PC: variants seen among roughly 807,000 people sequenced by gnomAD.
The protein encoded by PC is pyruvate carboxylase, mitochondrial.
In PC, 46 loss-of-function variants were observed where a neutral mutation model predicts 107.8. The observed-to-expected ratio is 0.43, with a 90% confidence interval of 0.34 to 0.55. The LOEUF is 0.55. Among genes scored for constraint, PC ranks in the 20% least tolerant of loss-of-function variants. PC has a pLI of 0.04. For synonymous variants in PC, 662 were observed against 684.7 expected (o/e 0.97, Z 0.52); for missense variants, 1,241 against 1,643.1 (o/e 0.76, Z 4.23).
In PC at chr11:66,848,520, T is replaced by C. The variant is rs775369394; in HGVS notation, c.*379A>G. 8.5e-6 allele frequency: 5 copies of C among 588,800 alleles called. No individual in the cohort carries two copies. The highest frequency in any genetic ancestry group is 1.5e-5 in the Non-Finnish European group (5 of 331,912). The allele number at this position is 588,800 out of a possible 1,614,324, so 36.5% of individuals were successfully genotyped here. A position where few individuals can be genotyped will look rare whatever the true frequency, so the allele number is the denominator to read the frequency against. On this transcript the variant is annotated 3_prime_UTR_variant, in exon 23 of 23. Transcript: ENST00000393960. ...GCTGGGGGCTGCACAGGATCCAGCA[T>C]GGAGGGCAGGGGAAAGCCAGCTTTA...
intron 12 of PC, chr11:66,860,106 C>G: frequency 6.4e-7 from 1 of 1,551,524 alleles, no homozygotes; most frequent in Non-Finnish European, 8.7e-7. Context: ...TTGGGCCCGA[C>G]GGAGCCACTC....
chr11:66,889,527 C>T (rs1014376586), intron 3 of PC, among the ~76,000 whole-genome samples: 7 of 152,140 alleles, frequency 4.6e-5, no homozygotes, highest in East Asian at 1.9e-4. Flanking sequence ...CCCGCCACCA[C>T]GCCCAGCTAA....
intron 3 of PC, among the ~76,000 whole-genome samples, chr11:66,918,311 G>C (rs1191425042): frequency 6.8e-6 from 1 of 148,024 alleles, no homozygotes; most frequent in Admixed American, 6.7e-5. Flanking sequence ...GAGGCAGGAG[G>C]ATTGCTTGAG....
chr11:66,955,508 AAGAC>A (rs949871306), intron 1 of PC, among the ~76,000 whole-genome samples: 1 of 152,236 alleles, frequency 6.6e-6, no homozygotes, highest in African/African-American at 2.4e-5. Context: ...CTTCAGTAGA[AAGAC>A]AGAAGGCGTT....
At position 66,870,624 on chromosome 11, in the gene PC, C is replaced by T. The variant is rs893597328; in HGVS notation, c.751+151G>A. The T allele has an allele frequency of 2.2e-5, 24 of 1,102,344 alleles. No individual in the cohort carries two copies. Among genetic ancestry groups the T allele is most frequent in the Non-Finnish European group, 3.0e-5 (22 of 733,656 alleles). 68.3% of individuals were successfully genotyped at this position (1,102,344 alleles called of 1,614,324 possible). A position where few individuals can be genotyped will look rare whatever the true frequency, so the allele number is the denominator to read the frequency against. On this transcript the variant is annotated intron_variant, in intron 8 of 22. Coordinates refer to ENST00000393960, the MANE Select transcript of PC (RefSeq NM_001040716.2). This position sits in a 1 kb window ranked among gnomAD's most constrained non-coding sequence, Gnocchi z 6.1. ...AGGCTGTGAGGACCAACTGCCAGCT[C>T]GGCCCCTAGAGCCCACTTTCCAGAG...
Position 66,870,723 on chromosome 11 carries a change from C to CCAGCCA in PC, c.751+51_751+52insTGGCTG. On this transcript the variant is annotated intron_variant, in intron 8 of 22. Coordinates refer to ENST00000393960, the MANE Select transcript of PC (RefSeq NM_001040716.2). The surrounding 1 kb of genome is among the most constrained non-coding windows in gnomAD (Gnocchi z 6.1). ...CCACTGTGACGGCACCAGGACTGGGCCTCTCAGCTCCCGCCTCCAGCTGCC... is the reference window on the plus strand; with the variant it reads ...CCACTGTGACGGCACCAGGACTGGGCCAGCCACTCTCAGCTCCCGCCTCCAGCTGCC... 6.6e-7 allele frequency: 1 copy of CCAGCCA among 1,515,220 alleles called. No homozygotes were observed. Among genetic ancestry groups the CCAGCCA allele is most frequent in the Non-Finnish European group, 9.1e-7 (1 of 1,098,020 alleles). The allele number at this position is 1,515,220 out of a possible 1,614,324, so 93.9% of individuals were successfully genotyped here. A position where few individuals can be genotyped will look rare whatever the true frequency, so the allele number is the denominator to read the frequency against.
chr11:66,913,108 A>G (rs1289605705), intron 3 of PC, among the ~76,000 whole-genome samples: 2 of 152,138 alleles, frequency 1.3e-5, no homozygotes, highest in East Asian at 3.9e-4. Flanking sequence ...TTAGAACGGC[A>G]GCAGCAGTAG....
intron 3 of PC, among the ~76,000 whole-genome samples, chr11:66,909,589 G>A (rs1948277091): frequency 6.6e-6 from 1 of 152,198 alleles, no homozygotes; most frequent in Non-Finnish European, 1.5e-5. Flanking sequence ...GCCTGCCTGA[G>A]TCTCCATCAG....
At chr11:66,869,618 G>A (rs1946642504) in intron 9 of PC, among the ~76,000 whole-genome samples, 2 of 152,336 alleles carry the variant, frequency 1.3e-5, no homozygotes, top group South Asian at 2.1e-4. Context: ...CGCATTAGCT[G>A]TGGCTGAGGC....
At position 66,851,371 on chromosome 11, in the gene PC, C is replaced by A. The variant is rs75171422; in HGVS notation, c.1983-91G>T. 1.6e-3 allele frequency: 2,563 copies of A among 1,567,038 alleles called. 40 individuals are homozygous for A. In the African/African-American group the frequency reaches 0.032, roughly 19 times the overall value. On this transcript the variant is annotated intron_variant, in intron 16 of 22. Transcript: ENST00000393960. ...TCCTTCCTGACCCACTCTATGGCCC[C>A]TGGGGAATGAGATCTGAGGGTCTCG...
chr11:66,881,148 G>A (rs1001203107), intron 3 of PC, among the ~76,000 whole-genome samples: 1 of 152,308 alleles, frequency 6.6e-6, no homozygotes, highest in Non-Finnish European at 1.5e-5. Context: ...GTGAGTGAGT[G>A]AGAGAAAAGC....
intron 3 of PC, among the ~76,000 whole-genome samples, chr11:66,873,468 TATAATATAA>T (rs1946837463): frequency 4.9e-5 from 4 of 81,332 alleles, no homozygotes; most frequent in East Asian, 6.0e-4. Context: ...ATATATTATA[TATAATATAA>T]TATATAATAT....
intron 3 of PC, among the ~76,000 whole-genome samples, chr11:66,935,273 G>C (rs1399066753): frequency 2.0e-5 from 3 of 152,222 alleles, no homozygotes; most frequent in African/African-American, 7.2e-5. Flanking sequence ...TGCCACGTAA[G>C]AATATCAGAA....
intron 3 of PC, among the ~76,000 whole-genome samples, chr11:66,925,176 C>T (rs1405428093): frequency 6.6e-5 from 10 of 152,008 alleles, no homozygotes; most frequent in Non-Finnish European, 1.0e-4. Flanking sequence ...AATGAAGTTT[C>T]GGGCACGCAT....
rs757028059 is a variant in PC, at chr11:66,863,858, T to C, written c.1284A>G (p.Lys428=). The change falls in exon 12 of 23, where the codon AAA becomes AAG. Residue 428 remains lysine, a synonymous_variant. Transcript: ENST00000393960. ...GGTGGTCTTTGCCGTGGGCAATGACTTTGACCAGCAGGGAGTCGTAGTGGG... is the reference window on the plus strand; with the variant it reads ...GGTGGTCTTTGCCGTGGGCAATGACCTTGACCAGCAGGGAGTCGTAGTGGG... ...ISPHYDSLLV[K]VIAHGKDHPT... is the part of the protein sequence containing the mutation. The C allele has an allele frequency of 1.9e-6, 3 of 1,614,014 alleles. No individual in the cohort carries two copies. Among genetic ancestry groups the C allele is most frequent in the Non-Finnish European group, 1.7e-6 (2 of 1,180,000 alleles).
chr11:66,925,974 C>A (rs1030514328), intron 3 of PC, among the ~76,000 whole-genome samples: 2 of 150,424 alleles, frequency 1.3e-5, no homozygotes, highest in African/African-American at 4.9e-5. Context: ...AGGCTACTGT[C>A]TAGCAGAAGG....
chr11:66,905,090 A>T (rs1948114761), intron 3 of PC, among the ~76,000 whole-genome samples: 1 of 152,252 alleles, frequency 6.6e-6, no homozygotes, highest in South Asian at 2.1e-4. Context: ...ACTGCCTGTA[A>T]CACACACTTG....
chr11:66,850,583 C>T lies in PC; in HGVS notation c.2473+91G>A, dbSNP rs1945419122. 1.1e-5 allele frequency: 17 copies of T among 1,599,648 alleles called. No individual in the cohort carries two copies. In the South Asian group the frequency reaches 1.7e-4, roughly 16 times the overall value. Reference sequence around the variant, plus strand: ...AGAAGGCGGCAAGGCCAGAGCAGGGCATCTGGATCCTAGGCAGGTCCAACA... The same window carrying T: ...AGAAGGCGGCAAGGCCAGAGCAGGGTATCTGGATCCTAGGCAGGTCCAACA... On this transcript the variant is annotated intron_variant, in intron 18 of 22. Transcript: ENST00000393960.
chr11:66,857,412 C>T lies in PC; in HGVS notation c.1369-4029G>A. On this transcript the variant is annotated intron_variant, in intron 12 of 22. Transcript: ENST00000393960. This position sits in a 1 kb window ranked among gnomAD's most constrained non-coding sequence, Gnocchi z 7.1. ...GAGGGTATGGCGGGGAGTGGGGAGG[C>T]GGCTGGCGATTCCTGGGGACGCCTG... is the stretch of plus-strand genomic sequence containing the variant. 2 of 297,458 alleles carry T rather than the reference C, an allele frequency of 6.7e-6. No homozygotes were observed. Among genetic ancestry groups the T allele is most frequent in the Non-Finnish European group, 1.2e-5 (2 of 160,954 alleles). The allele number at this position is 297,458 out of a possible 1,614,324, so 18.4% of individuals were successfully genotyped here.
Sources: gnomAD v4.1 joint callset for allele counts (sites outside exome capture counted in the v4.1 genomes callset) on GRCh38, gnomAD v4.1.1 for gene constraint, Gnocchi (gnomAD v3.1) non-coding constraint, MANE v1.5 for transcripts, NCBI Gene and HGNC (gene_info 2026-07-23, HGNC 2026-07-21) for gene names.